Variants in ABCC4 observed in about 807,000 individuals in gnomAD.
ABCC4 encodes the protein ATP-binding cassette sub-family C member 4.
A neutral mutation model predicts 168.5 loss-of-function variants in ABCC4; 102 were observed. The ratio of observed to expected loss-of-function variants is 0.61; its 90% CI spans 0.52 to 0.71. The LOEUF is 0.71. Ranked by LOEUF, ABCC4 falls within the 30% of genes least tolerant of loss-of-function variation. ABCC4 has a pLI of 0.00. For synonymous variants in ABCC4, 617 were observed against 590.7 expected (o/e 1.04, Z -0.65); for missense variants, 1,402 against 1,605.8 (o/e 0.87, Z 2.17).
chr13:95,204,490 T>C (rs1168295277), intron 8 of ABCC4, among the ~76,000 whole-genome samples: 2 of 152,130 alleles, frequency 1.3e-5, no homozygotes, highest in African/African-American at 4.8e-5. Context: ...TGAGATCTGA[T>C]GGTTTTATAC....
rs143182725 is a variant in ABCC4 at position 95,237,150 on chromosome 13, G to A, written c.307-2316C>T. Among the ~76,000 whole-genome samples, 193 of 152,270 alleles carry A rather than the reference G, an allele frequency of 1.3e-3. 1 individual carries two copies. The highest frequency in any genetic ancestry group is 6.8e-3 in the Middle Eastern group (2 of 294). On this transcript the variant is annotated intron_variant, in intron 3 of 30. Coordinates refer to ENST00000645237, the MANE Select transcript of ABCC4 (RefSeq NM_005845.5). ...AAATAACAGATGCAATAAACCCAGC[G>A]AAAGAGAATGCAAAAGGCAGGTAGG...
At chr13:95,208,014 G>T in intron 6 of ABCC4, 89 bp from the exon 7 acceptor site, 5 of 1,471,648 alleles carry the variant, frequency 3.4e-6, no homozygotes, top group South Asian at 1.3e-5. Flanking sequence ...TGCATCACAT[G>T]GTTCCCTACA....
chr13:95,177,788 A>G lies in ABCC4; in HGVS notation c.1646T>C (p.Val549Ala), dbSNP rs751878990. The stretch of plus-strand genomic sequence containing the variant: ...GAGATAGATGTCAGCATCTTGATAC[A>G]CTGCTCTAGAAAATACAAAGAGGTA... ...QKARVNLARA[V>A]YQDADIYLLD... Residue 549 changes from valine (V) to alanine (A), a missense_variant, in exon 13 of 31, where the codon GTG (valine) becomes GCG (alanine). By Grantham distance (64) the Val-to-Ala change is moderately conservative. Around this residue, in one of 3 missense-constraint regions of ABCC4, gnomAD observed 1,007 missense variants for 1,127.3 expected, o/e 0.89. Transcript: ENST00000645237. The G allele has an allele frequency of 6.2e-7, 1 of 1,609,594 alleles. No homozygotes were observed. The highest frequency in any genetic ancestry group is 1.1e-5 in the South Asian group (1 of 90,864).
At chr13:95,110,285 G>A (rs2035158980) in intron 20 of ABCC4, among the ~76,000 whole-genome samples, 2 of 148,724 alleles carry the variant, frequency 1.3e-5, no homozygotes, top group Admixed American at 1.3e-4. Flanking sequence ...CTCCAGCCTG[G>A]GTGATAGAGC....
intron 1 of ABCC4, among the ~76,000 whole-genome samples, chr13:95,295,750 G>A (rs2041513964): frequency 6.6e-6 from 1 of 151,996 alleles, no homozygotes; most frequent in East Asian, 1.9e-4. Context: ...GGATCACAAG[G>A]TCAGGAGTTC....
At chr13:95,211,557 G>A (rs2038957543) in intron 4 of ABCC4, among the ~76,000 whole-genome samples, 2 of 152,286 alleles carry the variant, frequency 1.3e-5, no homozygotes, top group South Asian at 4.1e-4. Flanking sequence ...CCCAAACCTG[G>A]CTGAAGCAGG....
At chr13:95,295,962 CAAAA>C (rs59341854) in intron 1 of ABCC4, among the ~76,000 whole-genome samples, 12 of 114,088 alleles carry the variant, frequency 1.1e-4, no homozygotes, top group Non-Finnish European at 9.5e-5. Flanking sequence ...GAGACTCCGT[CAAAA>C]AAAAAAAAAA....
chr13:95,215,937 A>G (rs988170216), intron 4 of ABCC4, among the ~76,000 whole-genome samples: 4 of 152,326 alleles, frequency 2.6e-5, no homozygotes, highest in Middle Eastern at 3.4e-3. Context: ...AACAACAACA[A>G]AACACTGCTC....
At chr13:95,123,500 T>C (rs2035648030) in intron 19 of ABCC4, among the ~76,000 whole-genome samples, 1 of 152,152 alleles carries the variant, frequency 6.6e-6, no homozygotes, top group African/African-American at 2.4e-5. Flanking sequence ...TAGCTGGGAA[T>C]ACAGACGTGC....
At chr13:95,168,573 AT>A (rs1469865120) in intron 14 of ABCC4, among the ~76,000 whole-genome samples, 6 of 152,230 alleles carry the variant, frequency 3.9e-5, no homozygotes, top group African/African-American at 1.2e-4. Flanking sequence ...ATAAAATATA[AT>A]TAACACTCGT....
At chr13:95,032,914 G>A (rs1377114358) in intron 30 of ABCC4, among the ~76,000 whole-genome samples, 3 of 149,648 alleles carry the variant, frequency 2.0e-5, no homozygotes, top group South Asian at 2.1e-4. Context: ...CACCCGCCTC[G>A]GCCTCCCAAA....
chr13:95,148,615 C>G (rs1165130607), intron 19 of ABCC4, among the ~76,000 whole-genome samples: 1 of 151,104 alleles, frequency 6.6e-6, no homozygotes. Context: ...CACACACACA[C>G]ACACACACAC....
intron 10 of ABCC4, 133 bp downstream of exon 10, chr13:95,188,320 T>C: frequency 1.3e-6 from 1 of 796,198 alleles, no homozygotes. Context: ...AAACGAATGT[T>C]CCATGCACTG....
intron 20 of ABCC4, among the ~76,000 whole-genome samples, chr13:95,092,373 G>A (rs1391546646): frequency 1.3e-5 from 2 of 152,104 alleles, no homozygotes; most frequent in African/African-American, 2.4e-5. Flanking sequence ...CTATTCGACA[G>A]TGCATGGAAC....
At chr13:95,200,349 C>T (rs950316781) in intron 8 of ABCC4, among the ~76,000 whole-genome samples, 4 of 152,158 alleles carry the variant, frequency 2.6e-5, no homozygotes, top group Non-Finnish European at 5.9e-5. Flanking sequence ...ATATTTTGAC[C>T]TCATGCGTTT....
At chr13:95,105,325 G>GAC (rs1457767008) in intron 20 of ABCC4, among the ~76,000 whole-genome samples, 4 of 152,046 alleles carry the variant, frequency 2.6e-5, no homozygotes, top group Non-Finnish European at 5.9e-5. Flanking sequence ...CTCCTGCTGT[G>GAC]TGGCCAGGTT....
At chr13:95,203,967 T>G (rs950577391) in intron 8 of ABCC4, among the ~76,000 whole-genome samples, 1 of 152,148 alleles carries the variant, frequency 6.6e-6, no homozygotes, top group African/African-American at 2.4e-5. Context: ...GCTGCTTCTG[T>G]CCATCCAGCA....
At chr13:95,088,970 AAG>A (rs1184046392) in intron 20 of ABCC4, among the ~76,000 whole-genome samples, 2 of 152,084 alleles carry the variant, frequency 1.3e-5, no homozygotes, top group African/African-American at 4.8e-5. Flanking sequence ...TCAAGAAAAA[AAG>A]AGAGGAAAAT....
At chr13:95,090,374 G>A (rs756303492) in intron 20 of ABCC4, among the ~76,000 whole-genome samples, 11 of 152,080 alleles carry the variant, frequency 7.2e-5, no homozygotes, top group Admixed American at 2.6e-4. Context: ...TGCACCCCCC[G>A]ACCACCTCCA....
Sources: allele counts gnomAD v4.1 joint callset (sites outside exome capture counted in the v4.1 genomes callset), GRCh38; gene constraint gnomAD v4.1.1; regional missense constraint gnomAD v4.1.1; transcripts MANE v1.5; gene names NCBI Gene and HGNC (gene_info 2026-07-23, HGNC 2026-07-21).